Variants in OPA3 observed in about 807,000 individuals in gnomAD.
The protein encoded by OPA3 is outer mitochondrial membrane lipid metabolism regulator OPA3, also known as optic atrophy 3 protein.
In OPA3, 6 loss-of-function variants were observed where a neutral mutation model predicts 4.0. The observed-to-expected ratio is 1.51, with a 90% CI of 0.83 to 2.99. The LOEUF is 2.99. OPA3 is among the 30% of genes most tolerant of loss of function. OPA3 has a pLI of 0.00. For missense variants in OPA3, 235 were observed against 256.2 expected, an observed-to-expected ratio of 0.92 and a Z score of 0.56; for synonymous variants, 105 against 117.1, an observed-to-expected ratio of 0.90 and a Z score of 0.67.
Position 45,547,406 on chromosome 19 carries a change from G to A in OPA3, c.*6108C>T, listed in dbSNP as rs1239817290. 1 of 152,044 alleles carries A rather than the reference G, an allele frequency of 6.6e-6. No individual in the cohort carries two copies. Among genetic ancestry groups the A allele is most frequent in the Admixed American group, 6.6e-5 (1 of 15,238 alleles). 9.4% of individuals were successfully genotyped at this position (152,044 alleles called of 1,614,324 possible). ...CGAATGAGCGCCTGGGTTCCAATAA[G>A]TCTTTATTTACAAAGACAGGAAGCA... On this transcript the variant is annotated 3_prime_UTR_variant, in exon 2 of 2. Coordinates refer to ENST00000263275, the MANE Select transcript of OPA3 (RefSeq NM_025136.4).
downstream of OPA3, among the ~76,000 whole-genome samples, chr19:45,541,762 A>G (rs1969188337): frequency 6.6e-6 from 1 of 151,940 alleles, no homozygotes; most frequent in Non-Finnish European, 1.5e-5. Context: ...ACAGGGTCTC[A>G]CTATGTTTCC....
intron 1 of OPA3, among the ~76,000 whole-genome samples, chr19:45,572,801 C>T (rs1169419549): frequency 7.1e-5 from 8 of 112,278 alleles, no homozygotes; most frequent in Non-Finnish European, 1.2e-4. Flanking sequence ...ATATATATAT[C>T]ATACTATATA....
At position 45,553,359 on chromosome 19, in the gene OPA3, T is replaced by G. The variant is rs1969365112; in HGVS notation, c.*155A>C. The G allele has an allele frequency of 9.7e-5, 147 of 1,516,054 alleles. No individual in the cohort carries two copies. The highest frequency in any genetic ancestry group is 4.8e-4 in the East Asian group (20 of 41,840). The allele number at this position is 1,516,054 out of a possible 1,614,324, so 93.9% of individuals were successfully genotyped here. Reference sequence around the variant, plus strand: ...TTCACCTGCTGGTCCCAGTGGCAGGTAACGGCTGCTCTTATCAGCAGGGGT... The same window carrying G: ...TTCACCTGCTGGTCCCAGTGGCAGGGAACGGCTGCTCTTATCAGCAGGGGT... On this transcript the variant is annotated 3_prime_UTR_variant, in exon 2 of 2. Coordinates refer to ENST00000263275, the MANE Select transcript of OPA3 (RefSeq NM_025136.4).
rs529863423 is a variant in OPA3, at chr19:45,569,636, T to A, written c.142+14987A>T. 3.0e-4 allele frequency among the ~76,000 whole-genome samples: 46 copies of A among 152,228 alleles called. No homozygotes were observed. The South Asian group carries it at 9.5e-3, about 32-fold the overall frequency. On this transcript the variant is annotated intron_variant, in intron 1 of 1. Coordinates refer to ENST00000263275, the MANE Select transcript of OPA3 (RefSeq NM_025136.4). ...GGGGTGGGAGGTGACCCGGTTGTGG[T>A]AAGCTGGCAGTGAGGGGAGTTTCCT...
chr19:45,569,008 T>C (rs1038690866), intron 1 of OPA3, among the ~76,000 whole-genome samples: 6 of 152,178 alleles, frequency 3.9e-5, no homozygotes, highest in African/African-American at 9.7e-5. Context: ...TAAAGATTTG[T>C]TGAGTGAATG....
intron 1 of OPA3, among the ~76,000 whole-genome samples, chr19:45,564,969 G>A (rs1030299264): frequency 7.9e-5 from 12 of 152,184 alleles, no homozygotes; most frequent in Non-Finnish European, 1.8e-4. Flanking sequence ...GCTCACGCCT[G>A]TAATCCCAGC....
intron 1 of OPA3, among the ~76,000 whole-genome samples, chr19:45,581,521 C>G (rs1038347882): frequency 6.6e-6 from 1 of 152,204 alleles, no homozygotes; most frequent in African/African-American, 2.4e-5. Context: ...TTGGGGGATA[C>G]GTCTGTCCCC....
chr19:45,553,425 C>G lies in OPA3; in HGVS notation c.*89G>C. ...TGCATCAAGATCCTGGTGGTTTCCA[C>G]TGGGCCAGCGCAGGCAAGGGTGGTG... On this transcript the variant is annotated 3_prime_UTR_variant, in exon 2 of 2. Coordinates refer to ENST00000263275, the MANE Select transcript of OPA3 (RefSeq NM_025136.4). 6.3e-7 allele frequency: 1 copy of G among 1,599,578 alleles called. No individual in the cohort carries two copies.
Position 45,559,393 on chromosome 19 carries a change from C to CTTTTTTTTT in OPA3, c.143-5483_143-5482insAAAAAAAAA, listed in dbSNP as rs1411300137. On this transcript the variant is annotated intron_variant, in intron 1 of 1. Transcript: ENST00000263275. ...TTCTCTCTCTTCTTTCCCTCTTTTT[C>CTTTTTTTTT]TTTCTTTTTTTTTTTTTTTTTTTTT... Among the ~76,000 whole-genome samples the CTTTTTTTTT allele has an allele frequency of 1.6e-3, 155 of 97,810 alleles. 4 individuals are homozygous for CTTTTTTTTT. The highest frequency in any genetic ancestry group is 2.2e-3 in the East Asian group (6 of 2,728). 64.2% of individuals were successfully genotyped at this position (97,810 alleles called of 152,430 possible).
At chr19:45,579,286 T>A (rs756709326) in intron 1 of OPA3, among the ~76,000 whole-genome samples, 1 of 152,192 alleles carries the variant, frequency 6.6e-6, no homozygotes, top group Non-Finnish European at 1.5e-5. Flanking sequence ...AGTGGTGCAA[T>A]CTCGGCTCAC....
At chr19:45,574,165 G>A (rs909107356) in intron 1 of OPA3, among the ~76,000 whole-genome samples, 7 of 151,944 alleles carry the variant, frequency 4.6e-5, no homozygotes, top group Non-Finnish European at 8.8e-5. Flanking sequence ...AGGCTGAGGC[G>A]GGCGGATCAC....
Position 45,550,348 on chromosome 19 carries a change from G to A in OPA3, c.*3166C>T, listed in dbSNP as rs577805330. Reference sequence around the variant, plus strand: ...CAGCTTCCCAAAAGCGGGCCCAGGTGGAATGGTCACCCAGTTTACACAATG... The same window carrying A: ...CAGCTTCCCAAAAGCGGGCCCAGGTAGAATGGTCACCCAGTTTACACAATG... On this transcript the variant is annotated 3_prime_UTR_variant, in exon 2 of 2. Coordinates refer to ENST00000263275, the MANE Select transcript of OPA3 (RefSeq NM_025136.4). The A allele has an allele frequency of 1.5e-5, 15 of 985,398 alleles. No homozygotes were observed. In the East Asian group the frequency reaches 5.7e-4, roughly 37 times the overall value. The allele number at this position is 985,398 out of a possible 1,614,324, so 61.0% of individuals were successfully genotyped here.
At chr19:45,530,723 T>G (rs1969050139) in intron 1 of OPA3, among the ~76,000 whole-genome samples, 1 of 151,860 alleles carries the variant, frequency 6.6e-6, no homozygotes, top group Admixed American at 6.6e-5. Context: ...CCTCCCAAAG[T>G]GCTAGGATTA....
chr19:45,529,376 C>A, exon 2 of OPA3: 1 of 1,614,226 alleles, frequency 6.2e-7, no homozygotes, highest in Non-Finnish European at 8.5e-7. Context: ...TCGGCGGCTG[C>A]ACCCTCGTTC....
At chr19:45,575,902 G>A (rs1246993377) in intron 1 of OPA3, among the ~76,000 whole-genome samples, 1 of 152,154 alleles carries the variant, frequency 6.6e-6, no homozygotes, top group Non-Finnish European at 1.5e-5. Context: ...CACCGCACCT[G>A]CCCTAAATTT....
chr19:45,560,387 T>C (rs1434842577), intron 1 of OPA3, among the ~76,000 whole-genome samples: 1 of 152,218 alleles, frequency 6.6e-6, no homozygotes, highest in East Asian at 1.9e-4. Flanking sequence ...GTCACTGCAC[T>C]GTCCCCAGCC....
At chr19:45,543,821 T>C (rs1420834032), downstream of OPA3, among the ~76,000 whole-genome samples, 1 of 152,070 alleles carries the variant, frequency 6.6e-6, no homozygotes, top group Non-Finnish European at 1.5e-5. Flanking sequence ...TCATTACACA[T>C]ATGGGGTCTC....
At chr19:45,537,677 G>A (rs1474986022) in intron 1 of OPA3, among the ~76,000 whole-genome samples, 1 of 151,882 alleles carries the variant, frequency 6.6e-6, no homozygotes, top group Non-Finnish European at 1.5e-5. Context: ...TTGTTGCCCA[G>A]GCTGGAGTGC....
chr19:45,572,790 GA>G (rs1969705206), intron 1 of OPA3, among the ~76,000 whole-genome samples: 2 of 44,124 alleles, frequency 4.5e-5, no homozygotes, highest in African/African-American at 7.8e-5. Flanking sequence ...ACTATATATA[GA>G]TATATATATC....
Sources: allele counts gnomAD v4.1 joint callset (sites outside exome capture counted in the v4.1 genomes callset), GRCh38; gene constraint gnomAD v4.1.1; transcripts MANE v1.5; gene names NCBI Gene and HGNC (gene_info 2026-07-23, HGNC 2026-07-21).